The following PARD3 variants were observed in gnomAD, a reference collection of about 807,000 sequenced individuals.
The protein encoded by PARD3 is partitioning defective 3 homolog.
PARD3 carries 75 observed loss-of-function variants against 155.4 expected under a neutral mutation model. That is an observed-to-expected ratio of 0.48 (90% confidence interval 0.40 to 0.58). The LOEUF (loss-of-function observed/expected upper bound fraction) is 0.58, where lower values mean the gene tolerates loss of function less well. PARD3 is among the 20% of genes least tolerant of loss of function. The pLI is 0.00. For missense variants in PARD3, 1,642 were observed against 1,721.7 expected (o/e 0.95, Z 0.82); for synonymous variants, 576 against 610.5 (o/e 0.94, Z 0.83).
chr10:34,325,967 A>G (rs1834982751), intron 19 of PARD3, among the ~76,000 whole-genome samples: 1 of 152,056 alleles, frequency 6.6e-6, no homozygotes, highest in African/African-American at 2.4e-5. Flanking sequence ...CTAAAAATAC[A>G]AAAATCACTT....
chr10:34,376,184 G>T (rs1841218782), intron 10 of PARD3, among the ~76,000 whole-genome samples: 1 of 152,186 alleles, frequency 6.6e-6, no homozygotes, highest in African/African-American at 2.4e-5. Flanking sequence ...ATACTAGAAG[G>T]TTGGGCTTAA....
chr10:34,478,136 G>C (rs552822686), intron 3 of PARD3, among the ~76,000 whole-genome samples: 4 of 152,316 alleles, frequency 2.6e-5, no homozygotes, highest in African/African-American at 7.2e-5. Context: ...ATATAAAAAT[G>C]AATCTTATCA....
chr10:34,421,573 G>T (rs1218591021), intron 5 of PARD3, among the ~76,000 whole-genome samples: 2 of 151,940 alleles, frequency 1.3e-5, no homozygotes, highest in East Asian at 3.9e-4. Flanking sequence ...TCTGCTAAAA[G>T]CCATGAACTC....
intron 2 of PARD3, among the ~76,000 whole-genome samples, chr10:34,530,371 G>T (rs955758691): frequency 2.0e-5 from 3 of 152,126 alleles, no homozygotes; most frequent in Admixed American, 2.0e-4. Context: ...TGAATAATCA[G>T]AACCCTTCTG....
intron 15 of PARD3, chr10:34,345,576 CT>C: frequency 1.0e-6 from 1 of 984,880 alleles, no homozygotes; most frequent in Non-Finnish European, 1.2e-6. Flanking sequence ...CGCCTAGATA[CT>C]GTGCAAATCA....
In PARD3 at chr10:34,533,992, C is replaced by T. The variant is rs139292066; in HGVS notation, c.223-16833G>A. On this transcript the variant is annotated intron_variant, in intron 2 of 24. Transcript: ENST00000374788. ...TACGTCGGCAAGAGATAATAAACACCCCCATTTCCATGAAAGGCTGCACTT... is the reference window on the plus strand; with the variant it reads ...TACGTCGGCAAGAGATAATAAACACTCCCATTTCCATGAAAGGCTGCACTT... 5.1e-3 allele frequency among the ~76,000 whole-genome samples: 782 copies of T among 152,166 alleles called. 6 individuals carry two copies. The highest frequency in any genetic ancestry group is 0.018 in the African/African-American group (755 of 41,524).
chr10:34,197,398 T>A lies in PARD3; in HGVS notation c.3420-65815A>T, dbSNP rs139971702. Among the ~76,000 whole-genome samples the A allele has an allele frequency of 5.3e-5, 8 of 152,258 alleles. No homozygotes were observed. The East Asian group carries it at 1.6e-3, about 30-fold the overall frequency. ...CTAGTTCAGAATGAACACTTAGGAC[T>A]ACACGTTCTCCTCTCAGAAGAAACA... On this transcript the variant is annotated intron_variant, in intron 22 of 24. Transcript: ENST00000374788.
intron 2 of PARD3, among the ~76,000 whole-genome samples, chr10:34,581,092 A>G (rs1672857402): frequency 6.6e-6 from 1 of 152,202 alleles, no homozygotes; most frequent in Admixed American, 6.5e-5. Context: ...AATGTTAAAC[A>G]TATCTTGATT....
At chr10:34,517,918 G>A (rs1388324754) in intron 2 of PARD3, among the ~76,000 whole-genome samples, 3 of 152,104 alleles carry the variant, frequency 2.0e-5, no homozygotes, top group African/African-American at 7.2e-5. Flanking sequence ...TCACTGAGAC[G>A]CCCAGGCTGG....
intron 2 of PARD3, among the ~76,000 whole-genome samples, chr10:34,571,903 G>A (rs1209379538): frequency 2.0e-5 from 3 of 151,990 alleles, no homozygotes; most frequent in African/African-American, 7.2e-5. Context: ...TACCTAACAA[G>A]CAAAAATAAT....
chr10:34,427,721 G>A (rs2075692648), intron 5 of PARD3, among the ~76,000 whole-genome samples: 2 of 151,998 alleles, frequency 1.3e-5, no homozygotes, highest in Admixed American at 6.6e-5. Context: ...CACGGAACCT[G>A]CCGACATGTG....
chr10:34,656,946 G>T (rs2093184686), intron 2 of PARD3, among the ~76,000 whole-genome samples: 1 of 152,182 alleles, frequency 6.6e-6, no homozygotes, highest in Admixed American at 6.5e-5. Flanking sequence ...TGAGGAAACA[G>T]CCTTCTAATA....
At chr10:34,134,218 C>T (rs1947766646) in intron 22 of PARD3, among the ~76,000 whole-genome samples, 1 of 152,150 alleles carries the variant, frequency 6.6e-6, no homozygotes, top group Non-Finnish European at 1.5e-5. Flanking sequence ...AGGATGGTTA[C>T]CTTCATAAGA....
intron 2 of PARD3, among the ~76,000 whole-genome samples, chr10:34,693,391 C>A (rs1016678066): frequency 6.6e-6 from 1 of 152,116 alleles, no homozygotes; most frequent in South Asian, 2.1e-4. Flanking sequence ...AAATGTGGTA[C>A]AAACATACCA....
At chr10:34,681,335 G>A (rs1369080714) in intron 2 of PARD3, among the ~76,000 whole-genome samples, 3 of 152,020 alleles carry the variant, frequency 2.0e-5, no homozygotes, top group Non-Finnish European at 2.9e-5. Context: ...CCTTCACAGC[G>A]ACAGTTTGAG....
intron 18 of PARD3, 29 bp from the exon 19 acceptor site, chr10:34,331,373 A>G (rs1263986172): frequency 7.0e-7 from 1 of 1,436,662 alleles, no homozygotes; most frequent in East Asian, 2.3e-5. Context: ...AAAAAATGTT[A>G]GTGTGAATTA....
intron 2 of PARD3, among the ~76,000 whole-genome samples, chr10:34,532,090 ATTTC>A (rs566935858): frequency 8.5e-4 from 129 of 152,194 alleles, no homozygotes; most frequent in South Asian, 5.0e-3. Context: ...GGTTACTTAC[ATTTC>A]TCTCAACTGT....
At chr10:34,210,923 T>A (rs539362265) in intron 22 of PARD3, among the ~76,000 whole-genome samples, 1 of 152,178 alleles carries the variant, frequency 6.6e-6, no homozygotes, top group Non-Finnish European at 1.5e-5. Flanking sequence ...AGGAACGTAC[T>A]GTTTTTCACC....
In PARD3 at chr10:34,111,080, A is replaced by G; in HGVS notation, c.*89T>C. The G allele has an allele frequency of 7.2e-7, 1 of 1,387,910 alleles. No individual in the cohort carries two copies. The highest frequency in any genetic ancestry group is 9.8e-7 in the Non-Finnish European group (1 of 1,023,512). The allele number at this position is 1,387,910 out of a possible 1,614,324, so 86.0% of individuals were successfully genotyped here. ...AACAACAGAAATACTCCATAGTACC[A>G]TCGAGGTTTTAAAAAAACTCCCAAA... On this transcript the variant is annotated 3_prime_UTR_variant, in exon 25 of 25. Transcript: ENST00000374788.
Sources: gnomAD v4.1 joint callset for allele counts (sites outside exome capture counted in the v4.1 genomes callset) on GRCh38, gnomAD v4.1.1 for gene constraint, MANE v1.5 for transcripts, NCBI Gene and HGNC (gene_info 2026-07-23, HGNC 2026-07-21) for gene names.